The following TP73 variants were observed in gnomAD, a reference collection of about 807,000 sequenced individuals.
TP73 encodes the protein p53-like transcription factor.
Under a neutral mutation model 62.5 loss-of-function variants are expected in TP73, and 25 were observed. That is an observed-to-expected ratio of 0.40 (90% CI 0.29 to 0.56). The LOEUF (loss-of-function observed/expected upper bound fraction) is 0.56, where lower values mean the gene tolerates loss of function less well. Among genes scored for constraint, TP73 ranks in the 20% least tolerant of loss-of-function variants. TP73 has a pLI of 0.46. For synonymous variants in TP73, 423 were observed against 377.5 expected, an observed-to-expected ratio of 1.12 and a Z score of -1.40; for missense variants, 754 against 913.3, an observed-to-expected ratio of 0.83 and a Z score of 2.25.
intron 6 of TP73, among the ~76,000 whole-genome samples, chr1:3,724,458 C>T (rs192088986): frequency 2.3e-3 from 345 of 152,148 alleles, no homozygotes; most frequent in Non-Finnish European, 3.6e-3. Flanking sequence ...AGGCCCCCTT[C>T]GACGTCCCCA....
chr1:3,729,905 A>G, intron 10 of TP73, 95 bp from the exon 11 acceptor site: 1 of 1,439,802 alleles, frequency 6.9e-7, no homozygotes, highest in South Asian at 1.4e-5. Flanking sequence ...CAGAGGCTCC[A>G]CCCATTCGCA....
intron 3 of TP73, among the ~76,000 whole-genome samples, chr1:3,688,377 GAC>G (rs1345015230): frequency 1.3e-5 from 2 of 152,160 alleles, no homozygotes. Flanking sequence ...GCCTTGAACT[GAC>G]ACATCACTGG....
intron 1 of TP73, among the ~76,000 whole-genome samples, chr1:3,671,067 G>A (rs1053764566): frequency 4.6e-5 from 7 of 152,314 alleles, no homozygotes; most frequent in Admixed American, 1.3e-4. Context: ...GCCGTCCCTC[G>A]TGGGTGCCAT....
rs888850002 is a variant in TP73, at chr1:3,663,452, A to G, written c.-34+10811A>G. On this transcript the variant is annotated intron_variant, in intron 1 of 13. Coordinates refer to ENST00000378295, the MANE Select transcript of TP73 (RefSeq NM_005427.4). The surrounding 1 kb of genome is among the most constrained non-coding windows in gnomAD (Gnocchi z 4.7). ...TACAGGCGGCTGGGCGTGGTGGCTCACGCCTGTAATCCCAGCACTTTGGGA... is the reference window on the plus strand; with the variant it reads ...TACAGGCGGCTGGGCGTGGTGGCTCGCGCCTGTAATCCCAGCACTTTGGGA... 6.6e-6 allele frequency among the ~76,000 whole-genome samples: 1 copy of G among 152,088 alleles called. No homozygotes were observed. Among genetic ancestry groups the G allele is most frequent in the African/African-American group, 2.4e-5 (1 of 41,422 alleles).
chr1:3,732,517 C>T (rs1168468093), intron 13 of TP73, among the ~76,000 whole-genome samples: 2 of 152,180 alleles, frequency 1.3e-5, no homozygotes, highest in Non-Finnish European at 2.9e-5. Context: ...TCCCCCAGGG[C>T]CAGGTAGATG....
chr1:3,712,099 A>G (rs6424089), intron 4 of TP73: 71,039 of 152,044 alleles, frequency 0.47, 17,260 homozygotes, highest in Non-Finnish European at 0.54. Flanking sequence ...CAACACGATC[A>G]TGGTATCAAT....
At chr1:3,692,597 G>T (rs1002373732) in intron 3 of TP73, among the ~76,000 whole-genome samples, 1 of 152,204 alleles carries the variant, frequency 6.6e-6, no homozygotes, top group Non-Finnish European at 1.5e-5. Flanking sequence ...GACTCTCCCA[G>T]GAGGTGTGTG....
intron 1 of TP73, among the ~76,000 whole-genome samples, chr1:3,658,376 C>T (rs144019040): frequency 2.6e-5 from 4 of 152,316 alleles, no homozygotes; most frequent in South Asian, 4.1e-4. Context: ...TGCCCCCGCC[C>T]GGAAGTGCCA....
chr1:3,709,551 C>T (rs1310466954), intron 4 of TP73, among the ~76,000 whole-genome samples: 1 of 152,216 alleles, frequency 6.6e-6, no homozygotes, highest in Non-Finnish European at 1.5e-5. Flanking sequence ...GTGGCAGCTG[C>T]ACCTGCCTGT....
At chr1:3,656,302 T>C (rs934618483) in intron 1 of TP73, among the ~76,000 whole-genome samples, 53 of 152,386 alleles carry the variant, frequency 3.5e-4, no homozygotes, top group African/African-American at 1.3e-3. Flanking sequence ...CAGTCCACTC[T>C]GTGCTCAGTA....
At chr1:3,685,197 G>T (rs545019757) in intron 3 of TP73, among the ~76,000 whole-genome samples, 1 of 152,310 alleles carries the variant, frequency 6.6e-6, no homozygotes, top group South Asian at 2.1e-4. Context: ...GGAGGACCTG[G>T]ACTCAGGGAG....
intron 3 of TP73, among the ~76,000 whole-genome samples, chr1:3,689,693 G>A (rs1462522544): frequency 6.6e-6 from 1 of 152,190 alleles, no homozygotes; most frequent in Non-Finnish European, 1.5e-5. Flanking sequence ...CAGGCAGGTG[G>A]TTTGGGATTT....
At chr1:3,677,231 T>C (rs554373148) in intron 1 of TP73, among the ~76,000 whole-genome samples, 1 of 152,270 alleles carries the variant, frequency 6.6e-6, no homozygotes, top group African/African-American at 2.4e-5. Flanking sequence ...GCTCTCCCTG[T>C]GGTGCAGCTG....
At chr1:3,694,937 C>T (rs1478056090) in intron 3 of TP73, among the ~76,000 whole-genome samples, 15 of 151,342 alleles carry the variant, frequency 9.9e-5, no homozygotes, top group East Asian at 3.9e-4. Flanking sequence ...GCCCTGCAGC[C>T]TCAGCCCCTC....
At chr1:3,719,434 G>A (rs554167718) in intron 4 of TP73, among the ~76,000 whole-genome samples, 1 of 152,358 alleles carries the variant, frequency 6.6e-6, no homozygotes, top group Admixed American at 6.5e-5. Context: ...TGGCAGACAA[G>A]AGCCTGCCAC....
chr1:3,673,564 C>T (rs1325982483), intron 1 of TP73, among the ~76,000 whole-genome samples: 1 of 152,254 alleles, frequency 6.6e-6, no homozygotes, highest in Non-Finnish European at 1.5e-5. Context: ...ATGGGCAAGA[C>T]ATCTATCTGA....
intron 4 of TP73, among the ~76,000 whole-genome samples, chr1:3,714,460 T>G (rs1640424333): frequency 6.6e-6 from 1 of 152,064 alleles, no homozygotes; most frequent in South Asian, 2.1e-4. Flanking sequence ...GTGAGGATGG[T>G]GGGGGCAAGG....
At chr1:3,681,754 AG>A (rs1256922535) in intron 1 of TP73, among the ~76,000 whole-genome samples, 1 of 152,108 alleles carries the variant, frequency 6.6e-6, no homozygotes, top group Non-Finnish European at 1.5e-5. Flanking sequence ...GCTGTTCCCA[AG>A]ATGGGGTGAC....
In TP73 at chr1:3,698,826, C is replaced by T. The variant is rs565882831; in HGVS notation, c.187-8723C>T. 2.0e-5 allele frequency among the ~76,000 whole-genome samples: 3 copies of T among 152,296 alleles called. No homozygotes were observed. The East Asian group carries it at 5.8e-4, about 29-fold the overall frequency. On this transcript the variant is annotated intron_variant, in intron 3 of 13. Coordinates refer to ENST00000378295, the MANE Select transcript of TP73 (RefSeq NM_005427.4). ...ATGCATCTGCAAGGCCCCCATGTGG[C>T]GCTAAGCACAGAGTGGGTGCTGCAG... is the stretch of plus-strand genomic sequence containing the variant.
Sources: allele counts gnomAD v4.1 joint callset (sites outside exome capture counted in the v4.1 genomes callset), GRCh38; gene constraint gnomAD v4.1.1; non-coding constraint Gnocchi (gnomAD v3.1); transcripts MANE v1.5; gene names NCBI Gene and HGNC (gene_info 2026-07-23, HGNC 2026-07-21).